The following MAGI2 variants were observed in gnomAD, a reference collection of about 807,000 sequenced individuals.
The protein encoded by MAGI2 is membrane-associated guanylate kinase, WW and PDZ domain-containing protein 2.
In MAGI2, 35 loss-of-function variants were observed where a neutral mutation model predicts 133.3. That is an observed-to-expected ratio of 0.26 (90% confidence interval 0.20 to 0.35). The LOEUF is 0.35. Among genes scored for constraint, MAGI2 ranks in the 10% least tolerant of loss-of-function variants. The pLI, the probability that MAGI2 is intolerant of heterozygous loss-of-function variation, is 1.00. For synonymous variants in MAGI2, 729 were observed against 710.6 expected, an observed-to-expected ratio of 1.03 and a Z score of -0.41; for missense variants, 1,636 against 1,863.4, an observed-to-expected ratio of 0.88 and a Z score of 2.25.
chr7:78,281,294 A>G (rs555407515), intron 9 of MAGI2, among the ~76,000 whole-genome samples: 11 of 152,222 alleles, frequency 7.2e-5, no homozygotes, highest in African/African-American at 2.2e-4. Context: ...TCTCATCTTG[A>G]ATTGTAATCT....
chr7:78,442,293 A>T (rs1288763534), intron 6 of MAGI2, among the ~76,000 whole-genome samples: 2 of 152,152 alleles, frequency 1.3e-5, no homozygotes, highest in South Asian at 4.1e-4. Flanking sequence ...AAATCATTTG[A>T]TGATAGATTC....
At chr7:79,053,259 C>G (rs1469848959) in intron 1 of MAGI2, among the ~76,000 whole-genome samples, 3 of 152,146 alleles carry the variant, frequency 2.0e-5, no homozygotes, top group Non-Finnish European at 2.9e-5. Flanking sequence ...AGGTGTGAGC[C>G]ACCCCACCCG....
chr7:79,189,437 T>C (rs993903583), intron 1 of MAGI2, among the ~76,000 whole-genome samples: 1 of 151,756 alleles, frequency 6.6e-6, no homozygotes, highest in African/African-American at 2.4e-5. Context: ...GTAAATTTTC[T>C]GGATGTGATA....
chr7:78,751,148 C>T (rs187122795), intron 2 of MAGI2, among the ~76,000 whole-genome samples: 1 of 152,126 alleles, frequency 6.6e-6, no homozygotes, highest in East Asian at 1.9e-4. Flanking sequence ...TGGCTAAGTA[C>T]AAAACTTTGT....
chr7:78,191,820 T>A (rs542247609), intron 12 of MAGI2, among the ~76,000 whole-genome samples: 1 of 152,268 alleles, frequency 6.6e-6, no homozygotes, highest in East Asian at 1.9e-4. Flanking sequence ...AATCACAGCT[T>A]TTTTTTTCAG....
chr7:78,400,184 A>C (rs1796729367), intron 6 of MAGI2, among the ~76,000 whole-genome samples: 1 of 152,162 alleles, frequency 6.6e-6, no homozygotes, highest in Non-Finnish European at 1.5e-5. Context: ...TAGGTTCTCT[A>C]AGATTCTCCA....
At chr7:78,738,542 C>T (rs1295773689) in intron 2 of MAGI2, among the ~76,000 whole-genome samples, 2 of 152,034 alleles carry the variant, frequency 1.3e-5, no homozygotes, top group Admixed American at 6.6e-5. Flanking sequence ...GTCTTTCCTG[C>T]CACAATAAAA....
chr7:79,334,998 A>T (rs143345407), intron 1 of MAGI2, among the ~76,000 whole-genome samples: 1 of 152,264 alleles, frequency 6.6e-6, no homozygotes, highest in East Asian at 1.9e-4. Context: ...GGTAACATTC[A>T]TGTTGAAATT....
At chr7:79,271,095 C>T (rs544929271) in intron 1 of MAGI2, among the ~76,000 whole-genome samples, 1 of 152,202 alleles carries the variant, frequency 6.6e-6, no homozygotes, top group Admixed American at 6.6e-5. Context: ...AAATGCTATA[C>T]AGTCTCACCT....
At chr7:79,354,937 C>T (rs959657574) in intron 1 of MAGI2, among the ~76,000 whole-genome samples, 1 of 152,128 alleles carries the variant, frequency 6.6e-6, no homozygotes, top group African/African-American at 2.4e-5. Flanking sequence ...GGTGTAAGCC[C>T]CCTTCTCCTA....
At chr7:78,084,555 A>C (rs1484514932) in intron 20 of MAGI2, among the ~76,000 whole-genome samples, 3 of 152,196 alleles carry the variant, frequency 2.0e-5, no homozygotes, top group Admixed American at 2.0e-4. Flanking sequence ...GTTCCATCCA[A>C]ATCATGACAA....
intron 1 of MAGI2, among the ~76,000 whole-genome samples, chr7:79,194,841 A>G (rs1827945153): frequency 6.6e-6 from 1 of 151,850 alleles, no homozygotes. Flanking sequence ...GCTATAGTAA[A>G]GGTTATGAAA....
At chr7:78,896,429 T>C (rs1797219660) in intron 2 of MAGI2, among the ~76,000 whole-genome samples, 1 of 151,624 alleles carries the variant, frequency 6.6e-6, no homozygotes, top group Non-Finnish European at 1.5e-5. Flanking sequence ...AAGCTCCTCA[T>C]TGTAAAATAA....
In MAGI2 at chr7:79,103,695, A is replaced by T. The variant is rs543543763; in HGVS notation, c.302-96489T>A. Among the ~76,000 whole-genome samples, 94 of 151,164 alleles carry T rather than the reference A, an allele frequency of 6.2e-4. 1 individual carries two copies. The highest frequency in any genetic ancestry group is 1.5e-3 in the African/African-American group (61 of 41,234). ...CAGCATTTTATTTATTTATTTATTT[A>T]TTTTTTATTTTTTATTTTTTTTGAG... On this transcript the variant is annotated intron_variant, in intron 1 of 21. Coordinates refer to ENST00000354212, the MANE Select transcript of MAGI2 (RefSeq NM_012301.4).
intron 20 of MAGI2, among the ~76,000 whole-genome samples, chr7:78,116,331 A>T (rs910532895): frequency 6.7e-6 from 1 of 149,710 alleles, no homozygotes; most frequent in East Asian, 1.9e-4. Context: ...AAAGCCTAAG[A>T]ACTACTACTC....
chr7:78,271,440 T>A (rs770379736), intron 9 of MAGI2, among the ~76,000 whole-genome samples: 33 of 152,050 alleles, frequency 2.2e-4, no homozygotes, highest in Non-Finnish European at 4.0e-4. Context: ...CTCTGCCAGG[T>A]TTTGGTTTCA....
intron 21 of MAGI2, among the ~76,000 whole-genome samples, chr7:78,071,850 C>T (rs181189349): frequency 2.6e-5 from 4 of 152,272 alleles, no homozygotes; most frequent in African/African-American, 7.2e-5. Context: ...AATTAAATTT[C>T]AGAATTTATT....
chr7:78,578,276 T>A (rs542006548), intron 3 of MAGI2, among the ~76,000 whole-genome samples: 1 of 152,178 alleles, frequency 6.6e-6, no homozygotes, highest in South Asian at 2.1e-4. Flanking sequence ...AAGCTTTATA[T>A]TTTTTATTTT....
chr7:78,427,433 A>G (rs1799384146), intron 6 of MAGI2, among the ~76,000 whole-genome samples: 1 of 152,144 alleles, frequency 6.6e-6, no homozygotes, highest in African/African-American at 2.4e-5. Flanking sequence ...AGAAAGCCAT[A>G]CTGATACGAG....
Sources: gnomAD v4.1 joint callset for allele counts (sites outside exome capture counted in the v4.1 genomes callset) on GRCh38, gnomAD v4.1.1 for gene constraint, MANE v1.5 for transcripts, NCBI Gene and HGNC (gene_info 2026-07-23, HGNC 2026-07-21) for gene names.